The following TMEM169 variants were observed in gnomAD, a reference collection of about 807,000 sequenced individuals.
TMEM169 encodes transmembrane protein 169.
A neutral mutation model predicts 27.3 loss-of-function variants in TMEM169; 18 were observed. That is an observed-to-expected ratio of 0.66 (90% CI 0.46 to 0.98). TMEM169 has a LOEUF of 0.98. Ranked by LOEUF, TMEM169 falls within the 50% of genes least tolerant of loss-of-function variation. The probability of loss-of-function intolerance (pLI) is 0.00; values close to 1 mark genes in which losing one functional copy is unlikely to be tolerated. For synonymous variants in TMEM169, 136 were observed against 142.1 expected (o/e 0.96, Z 0.30); for missense variants, 320 against 368.6 (o/e 0.87, Z 1.08).
chr2:216,094,620 A>C (rs2105985194), intron 1 of TMEM169, among the ~76,000 whole-genome samples: 1 of 152,360 alleles, frequency 6.6e-6, no homozygotes, highest in Non-Finnish European at 1.5e-5. Context: ...AACCAAAAAA[A>C]TTTCAATGTG....
intron 1 of TMEM169, among the ~76,000 whole-genome samples, chr2:216,083,521 C>T (rs1695922956): frequency 6.6e-6 from 1 of 152,076 alleles, no homozygotes; most frequent in Admixed American, 6.6e-5. Flanking sequence ...CTGGTCTGGA[C>T]CTATAGATTC....
rs139020062 is a variant in TMEM169, at chr2:216,100,477, G to C, written c.829G>C (p.Asp277His). The change falls in exon 3 of 3, where the codon GAC (aspartate) becomes CAC (histidine). Residue 277 changes from aspartate (D) to histidine (H), a missense_variant. Transcript: ENST00000437356. ...CAGCATTGTGGAGTTGCTTGAATCC[G>C]ACAATATCTCAAGCACTCTCTCCAA... ...PYSIVELLES[D>H]NISSTLSNKD... is the part of the protein sequence containing the mutation. The C allele has an allele frequency of 6.2e-7, 1 of 1,613,922 alleles. No individual in the cohort carries two copies. Among genetic ancestry groups the C allele is most frequent in the Non-Finnish European group, 8.5e-7 (1 of 1,180,002 alleles).
In TMEM169 at chr2:216,095,993, G is replaced by C; in HGVS notation, c.30G>C (p.Gln10His). Residue 10 changes from glutamine to histidine, a missense_variant, in exon 2 of 3, where the codon CAG becomes CAC. Transcript: ENST00000437356. ...AAGAGCCAACAGCAGTAGAAGGCCA[G>C]GTCCAGCTTCCAAGCCCCCACCAGG... MEEPTAVEG[Q>H]VQLPSPHQGS... is the part of the protein sequence containing the mutation. 1 of 1,613,994 alleles carries C rather than the reference G, an allele frequency of 6.2e-7. No homozygotes were observed. Among genetic ancestry groups the C allele is most frequent in the East Asian group, 2.2e-5 (1 of 44,886 alleles).
At position 216,099,415 on chromosome 2, in the gene TMEM169, A is replaced by G. The variant is rs1330940298; in HGVS notation, c.272-505A>G. On this transcript the variant is annotated intron_variant, in intron 2 of 2. Transcript: ENST00000437356. The surrounding 1 kb of genome is among the most constrained non-coding windows in gnomAD (Gnocchi z 5.0). ...TATGTGTATGGTATATGTGGGATGC[A>G]TGTGTGTATGCGTGCAGCCCCTGGA... 6.6e-6 allele frequency among the ~76,000 whole-genome samples: 1 copy of G among 151,626 alleles called. No individual in the cohort carries two copies. Among genetic ancestry groups the G allele is most frequent in the Non-Finnish European group, 1.5e-5 (1 of 67,886 alleles).
chr2:216,087,991 T>C (rs959751412), intron 1 of TMEM169, among the ~76,000 whole-genome samples: 20 of 152,054 alleles, frequency 1.3e-4, no homozygotes, highest in African/African-American at 3.6e-4. Context: ...AAACCCTGTC[T>C]GTACTAAAAG....
intron 1 of TMEM169, among the ~76,000 whole-genome samples, chr2:216,086,355 G>A (rs1695998105): frequency 6.6e-6 from 1 of 152,140 alleles, no homozygotes; most frequent in African/African-American, 2.4e-5. Context: ...GAGCCACCGT[G>A]ACCAGCCTGT....
Position 216,100,714 on chromosome 2 carries a change from C to T in TMEM169, c.*172C>T, listed in dbSNP as rs773614348. 186 of 857,088 alleles carry T rather than the reference C, an allele frequency of 2.2e-4. No individual in the cohort carries two copies. Among genetic ancestry groups the T allele is most frequent in the Non-Finnish European group, 3.0e-4 (171 of 567,708 alleles). 53.1% of individuals were successfully genotyped at this position (857,088 alleles called of 1,614,324 possible). A position where few individuals can be genotyped will look rare whatever the true frequency, so the allele number is the denominator to read the frequency against. Reference sequence around the variant, plus strand: ...GGGTTCCAGGAGGGCATGGAGCAGACAAGCAATTGTGCCAAAGCAGTTCAC... The same window carrying T: ...GGGTTCCAGGAGGGCATGGAGCAGATAAGCAATTGTGCCAAAGCAGTTCAC... On this transcript the variant is annotated 3_prime_UTR_variant, in exon 3 of 3. Coordinates refer to ENST00000437356, the MANE Select transcript of TMEM169 (RefSeq NM_001142311.2).
chr2:216,092,596 C>G (rs1696158734), intron 1 of TMEM169, among the ~76,000 whole-genome samples: 1 of 152,216 alleles, frequency 6.6e-6, no homozygotes, highest in Admixed American at 6.5e-5. Context: ...AACTTGCCTT[C>G]TCACGTGTAC....
chr2:216,090,559 G>T (rs1173083052), intron 1 of TMEM169, among the ~76,000 whole-genome samples: 2 of 152,174 alleles, frequency 1.3e-5, no homozygotes, highest in African/African-American at 4.8e-5. Context: ...CTGACTCAGA[G>T]AAACTATTTA....
intron 1 of TMEM169, among the ~76,000 whole-genome samples, chr2:216,085,534 A>G: frequency 6.6e-6 from 1 of 152,190 alleles, no homozygotes. Context: ...CTCCTAGACC[A>G]GAGGGGAAGC....
intron 1 of TMEM169, among the ~76,000 whole-genome samples, chr2:216,084,819 C>T (rs1350605013): frequency 6.6e-6 from 1 of 152,064 alleles, no homozygotes; most frequent in African/African-American, 2.4e-5. Context: ...ATTTGGTGCT[C>T]TTGAGGAAGA....
intron 2 of TMEM169, 50 bp downstream of exon 2, chr2:216,096,284 G>A: frequency 6.3e-7 from 1 of 1,578,810 alleles, no homozygotes; most frequent in Non-Finnish European, 8.6e-7. Flanking sequence ...GAAACCAAAA[G>A]GGCATCTTCC....
At chr2:216,090,024 C>T (rs921087940) in intron 1 of TMEM169, among the ~76,000 whole-genome samples, 8 of 151,972 alleles carry the variant, frequency 5.3e-5, no homozygotes, top group African/African-American at 1.2e-4. Context: ...CGTGTGCGTG[C>T]GTGCATGTGT....
Position 216,096,011 on chromosome 2 carries a change from C to CCA in TMEM169, c.50_51dup (p.Gln18ThrfsTer68), listed in dbSNP as rs896840865. The CCA allele has an allele frequency of 6.2e-7, 1 of 1,614,136 alleles. No individual in the cohort carries two copies. Among genetic ancestry groups the CCA allele is most frequent in the Non-Finnish European group, 8.5e-7 (1 of 1,180,034 alleles). ...AAGGCCAGGTCCAGCTTCCAAGCCC[C>CCA]CACCAGGGCTCTCTCAGGAAGGCTG... On this transcript the variant is annotated frameshift_variant, in exon 2 of 3. Coordinates refer to ENST00000437356, the MANE Select transcript of TMEM169 (RefSeq NM_001142311.2). LOFTEE classifies it high-confidence loss of function.
At chr2:216,091,485 A>G (rs1696122232) in intron 1 of TMEM169, among the ~76,000 whole-genome samples, 1 of 143,442 alleles carries the variant, frequency 7.0e-6, no homozygotes, top group South Asian at 2.3e-4. Context: ...TGAACTTGGG[A>G]GGCAGAGGTT....
chr2:216,100,338 T>C lies in TMEM169; in HGVS notation c.690T>C (p.Ala230=). ...CTTCTTCCCTCGGCCTCTACGCTGC[T>C]GTGGTCCAGCTCTCGTGGTCCTGGG... ...AMASSLGLYA[A]VVQLSWSWEA... is the part of the protein sequence containing the mutation. Residue 230 remains alanine (A), a synonymous_variant, in exon 3 of 3, where the codon GCT becomes GCC. Coordinates refer to ENST00000437356, the MANE Select transcript of TMEM169 (RefSeq NM_001142311.2). 12 of 1,614,014 alleles carry C rather than the reference T, an allele frequency of 7.4e-6. No homozygotes were observed. The highest frequency in any genetic ancestry group is 1.0e-5 in the Non-Finnish European group (12 of 1,180,018).
intron 1 of TMEM169, among the ~76,000 whole-genome samples, chr2:216,089,773 G>A (rs929802368): frequency 6.6e-6 from 1 of 152,138 alleles, no homozygotes; most frequent in Non-Finnish European, 1.5e-5. Context: ...TCTAAATCTT[G>A]GTGGGGAAAT....
intron 1 of TMEM169, chr2:216,082,935 C>G (rs1695903090): frequency 6.6e-6 from 1 of 152,126 alleles, no homozygotes; most frequent in African/African-American, 2.4e-5. Context: ...GACCTACCAC[C>G]TAGGATTCAC....
intron 1 of TMEM169, among the ~76,000 whole-genome samples, chr2:216,093,682 G>C (rs76726741): frequency 0.026 from 3,983 of 152,174 alleles, 201 homozygotes; most frequent in African/African-American, 0.091. Flanking sequence ...AAAATCAACA[G>C]AGGCTAGAGG....
Sources: gnomAD v4.1 joint callset for allele counts (sites outside exome capture counted in the v4.1 genomes callset) on GRCh38, gnomAD v4.1.1 for gene constraint, Gnocchi (gnomAD v3.1) non-coding constraint, MANE v1.5 for transcripts, NCBI Gene and HGNC (gene_info 2026-07-23, HGNC 2026-07-21) for gene names.